The following GRM8 variants were observed in gnomAD, a reference collection of about 807,000 sequenced individuals.
GRM8 encodes glutamate metabotropic receptor 8.
A neutral mutation model predicts 87.2 loss-of-function variants in GRM8; 47 were observed. The ratio of observed to expected loss-of-function variants is 0.54; its 90% CI spans 0.43 to 0.69. The LOEUF is 0.69. GRM8 is among the 30% of genes least tolerant of loss of function. GRM8 has a pLI of 0.00. For missense variants in GRM8, 1,019 were observed against 1,139.2 expected, an observed-to-expected ratio of 0.89 and a Z score of 1.52; for synonymous variants, 396 against 404.5, an observed-to-expected ratio of 0.98 and a Z score of 0.25.
chr7:126,671,484 G>C (rs1467282969), intron 7 of GRM8, among the ~76,000 whole-genome samples: 1 of 152,216 alleles, frequency 6.6e-6, no homozygotes, highest in Non-Finnish European at 1.5e-5. Flanking sequence ...TTGCAAGAGA[G>C]AAATCACGTT....
intron 7 of GRM8, among the ~76,000 whole-genome samples, chr7:126,614,250 G>C (rs1799218257): frequency 6.6e-6 from 1 of 152,112 alleles, no homozygotes; most frequent in African/African-American, 2.4e-5. Flanking sequence ...CTCCACTGCT[G>C]ATACCCAAGC....
chr7:127,091,752 C>T (rs886389605), intron 3 of GRM8, among the ~76,000 whole-genome samples: 2 of 138,360 alleles, frequency 1.4e-5, no homozygotes, highest in African/African-American at 5.5e-5. Context: ...TCATCCCTCC[C>T]GTCCCACTGA....
At chr7:126,595,062 A>T (rs1016289847) in intron 8 of GRM8, among the ~76,000 whole-genome samples, 32 of 151,334 alleles carry the variant, frequency 2.1e-4, no homozygotes, top group African/African-American at 6.3e-4. Flanking sequence ...GGATGAAATT[A>T]AAAAAAAATA....
chr7:126,920,082 C>T (rs545898871), intron 3 of GRM8, among the ~76,000 whole-genome samples: 7 of 152,116 alleles, frequency 4.6e-5, no homozygotes, highest in Non-Finnish European at 1.0e-4. Flanking sequence ...AAGACTCCCA[C>T]ATGGGATTAG....
chr7:126,483,208 G>A (rs926769506), intron 9 of GRM8, among the ~76,000 whole-genome samples: 31 of 149,536 alleles, frequency 2.1e-4, no homozygotes, highest in African/African-American at 7.4e-4. Flanking sequence ...ATGCATTAAA[G>A]AGATTTTATG....
intron 7 of GRM8, among the ~76,000 whole-genome samples, chr7:126,717,209 A>G (rs2151440721): frequency 6.6e-6 from 1 of 151,532 alleles, no homozygotes; most frequent in East Asian, 1.9e-4. Flanking sequence ...CCCTCAGGCA[A>G]CTCTGGATAG....
At chr7:126,651,068 TTTGTC>T (rs1246128012) in intron 7 of GRM8, among the ~76,000 whole-genome samples, 1 of 152,038 alleles carries the variant, frequency 6.6e-6, no homozygotes, top group Non-Finnish European at 1.5e-5. Context: ...AGGGCAGAGG[TTTGTC>T]CTCACTGGAA....
intron 7 of GRM8, among the ~76,000 whole-genome samples, chr7:126,729,128 T>C (rs111947100): frequency 6.6e-6 from 1 of 152,172 alleles, no homozygotes. Context: ...CCCACCTGTA[T>C]GAAGTTCAGC....
At chr7:127,022,402 C>CA (rs1481794243) in intron 3 of GRM8, among the ~76,000 whole-genome samples, 2 of 151,912 alleles carry the variant, frequency 1.3e-5, no homozygotes, top group Non-Finnish European at 2.9e-5. Flanking sequence ...TTATAAAAGA[C>CA]AAAATATTAT....
At chr7:126,799,134 A>G (rs1822343272) in intron 6 of GRM8, among the ~76,000 whole-genome samples, 1 of 152,088 alleles carries the variant, frequency 6.6e-6, no homozygotes, top group Non-Finnish European at 1.5e-5. Context: ...TGATCTATGG[A>G]CCAGCAGCAT....
intron 3 of GRM8, among the ~76,000 whole-genome samples, chr7:127,094,949 A>G (rs1410926865): frequency 6.6e-6 from 1 of 152,250 alleles, no homozygotes; most frequent in Non-Finnish European, 1.5e-5. Flanking sequence ...TGAGAAATAT[A>G]AAGACAACAA....
chr7:127,053,291 C>T (rs78377679), intron 3 of GRM8, among the ~76,000 whole-genome samples: 26 of 152,256 alleles, frequency 1.7e-4, no homozygotes, highest in African/African-American at 6.3e-4. Flanking sequence ...ACAAGGTCTC[C>T]CCATCTTTGA....
chr7:126,841,253 G>A (rs1170947485), intron 6 of GRM8, among the ~76,000 whole-genome samples: 2 of 152,208 alleles, frequency 1.3e-5, no homozygotes, highest in Non-Finnish European at 2.9e-5. Context: ...TGTGCCATAT[G>A]GCATTAACAG....
chr7:126,532,810 T>C (rs2150855272), intron 9 of GRM8, 142 bp downstream of exon 9: 1 of 153,886 alleles, frequency 6.5e-6, no homozygotes, highest in Non-Finnish European at 1.2e-5. Flanking sequence ...TATATATATA[T>C]ATATATGCAT....
At chr7:126,594,894 TC>T in intron 8 of GRM8, among the ~76,000 whole-genome samples, 1 of 152,246 alleles carries the variant, frequency 6.6e-6, no homozygotes, top group Admixed American at 6.5e-5. Flanking sequence ...AAGACATCAC[TC>T]TACCCTGCTG....
chr7:126,806,896 G>A (rs778315077), intron 6 of GRM8, among the ~76,000 whole-genome samples: 14 of 152,184 alleles, frequency 9.2e-5, no homozygotes, highest in African/African-American at 3.1e-4. Context: ...ACACCTCCCC[G>A]CGAGCAGAGG....
At chr7:126,678,092 A>G (rs370713874) in intron 7 of GRM8, among the ~76,000 whole-genome samples, 10 of 152,250 alleles carry the variant, frequency 6.6e-5, no homozygotes, top group East Asian at 1.9e-4. Flanking sequence ...GTTTTGTTCA[A>G]TTTTCTCTAT....
chr7:126,698,959 A>G (rs1809655545), intron 7 of GRM8, among the ~76,000 whole-genome samples: 1 of 152,190 alleles, frequency 6.6e-6, no homozygotes. Flanking sequence ...CATCATAGGC[A>G]CTTTCTCTGT....
intron 3 of GRM8, among the ~76,000 whole-genome samples, chr7:126,906,453 T>C (rs1271008592): frequency 6.6e-6 from 1 of 152,170 alleles, no homozygotes; most frequent in African/African-American, 2.4e-5. Flanking sequence ...GTAACTGGGA[T>C]TACTCTGCAC....
Sources: gnomAD v4.1 joint callset for allele counts (sites outside exome capture counted in the v4.1 genomes callset) on GRCh38, gnomAD v4.1.1 for gene constraint, MANE v1.5 for transcripts, NCBI Gene and HGNC (gene_info 2026-07-23, HGNC 2026-07-21) for gene names.